Variants in GALNT11 observed in about 807,000 individuals in gnomAD.
GALNT11 encodes the protein polypeptide N-acetylgalactosaminyltransferase 11, also known as UDP-GalNAc:polypeptide N-acetylgalactosaminyltransferase 11.
Under a neutral mutation model 72.7 loss-of-function variants are expected in GALNT11, and 47 were observed. That is an observed-to-expected ratio of 0.65 (90% confidence interval 0.51 to 0.82). The LOEUF (loss-of-function observed/expected upper bound fraction) is 0.82. Ranked by LOEUF, GALNT11 falls within the 40% of genes least tolerant of loss-of-function variation. The pLI is 0.00. For synonymous variants in GALNT11, 270 were observed against 286.6 expected, an observed-to-expected ratio of 0.94 and a Z score of 0.58; for missense variants, 677 against 778.4, an observed-to-expected ratio of 0.87 and a Z score of 1.55.
chr7:152,103,015 A>G, intron 3 of GALNT11, 97 bp from the exon 4 acceptor site: 1 of 1,063,544 alleles, frequency 9.4e-7, no homozygotes. Context: ...GTGGGGGAAG[A>G]GGGTGAACAA....
At chr7:152,091,589 G>A (rs2086044369) in intron 1 of GALNT11, among the ~76,000 whole-genome samples, 1 of 152,100 alleles carries the variant, frequency 6.6e-6, no homozygotes. Flanking sequence ...TGTTGCCCAG[G>A]CTGGTCTCCA....
At chr7:152,047,543 A>T (rs1409556987) in intron 1 of GALNT11, among the ~76,000 whole-genome samples, 1 of 152,050 alleles carries the variant, frequency 6.6e-6, no homozygotes, top group Non-Finnish European at 1.5e-5. Context: ...AAAAAAATAC[A>T]AAAATTAACC....
chr7:152,084,404 AC>A (rs1449172175), intron 1 of GALNT11, among the ~76,000 whole-genome samples: 4 of 148,478 alleles, frequency 2.7e-5, no homozygotes, highest in African/African-American at 1.0e-4. Context: ...AAAAAAAAAA[AC>A]TTTTACATTT....
chr7:152,112,402 G>C (rs71541739), intron 7 of GALNT11, among the ~76,000 whole-genome samples: 3 of 152,020 alleles, frequency 2.0e-5, no homozygotes, highest in African/African-American at 7.2e-5. Context: ...TTAGCTGGGC[G>C]TGGTGGCGGG....
rs2089362423 is a variant in GALNT11 at position 152,120,850 on chromosome 7, A to G, written c.1577A>G (p.Glu526Gly). 3.7e-6 allele frequency: 6 copies of G among 1,608,346 alleles called. No homozygotes were observed. Among genetic ancestry groups the G allele is most frequent in the Non-Finnish European group, 5.1e-6 (6 of 1,175,186 alleles). The change falls in exon 11 of 12, where the codon GAG becomes GGG. Residue 526 changes from glutamate (E) to glycine (G), a missense_variant. Transcript: ENST00000430044. Reference sequence around the variant, plus strand: ...CTCTAGATCTGGATCTATAATGAAGAGCATGAATTGGTTTTAAATAGTCTC... The same window carrying G: ...CTCTAGATCTGGATCTATAATGAAGGGCATGAATTGGTTTTAAATAGTCTC... ...DPNQIWIYNE[E>G]HELVLNSLLC... is the part of the protein sequence containing the mutation.
In GALNT11 at chr7:152,094,490, A is replaced by T; in HGVS notation, c.263A>T (p.Glu88Val). Residue 88 changes from glutamate (E) to valine (V), a missense_variant, in exon 2 of 12, where the codon GAA becomes GTA. Coordinates refer to ENST00000430044, the MANE Select transcript of GALNT11 (RefSeq NM_022087.4). This position sits in a 1 kb window ranked among gnomAD's most constrained non-coding sequence, Gnocchi z 4.3. ...DVIDSRVEDP[E>V]EGHLKFSSEL... ...ATAGACAGTCGTGTTGAAGATCCAG[A>T]AGAAGGCCACTTGAAATTCTCTTCT... 1.2e-6 allele frequency: 2 copies of T among 1,612,170 alleles called. No homozygotes were observed. The highest frequency in any genetic ancestry group is 1.7e-6 in the Non-Finnish European group (2 of 1,178,762).
intron 1 of GALNT11, among the ~76,000 whole-genome samples, chr7:152,080,663 T>C (rs1211464029): frequency 2.0e-5 from 3 of 150,998 alleles, no homozygotes; most frequent in Non-Finnish European, 4.4e-5. Flanking sequence ...GCAAAAGCTA[T>C]TAAAACATTA....
At chr7:152,107,942 T>A in intron 5 of GALNT11, 96 bp from the exon 6 acceptor site, 1 of 1,439,972 alleles carries the variant, frequency 6.9e-7, no homozygotes, top group Admixed American at 1.9e-5. Flanking sequence ...GCAGTCGTGT[T>A]TCATGCTGTG....
chr7:152,118,708 G>A lies in GALNT11; in HGVS notation c.1483G>A (p.Val495Met), dbSNP rs150472136. ...TCACCTCCAGACCAACAAATGCCTGGTGGCCCAGGGCCGCCCAAGTCAGAA... is the reference window on the plus strand; with the variant it reads ...TCACCTCCAGACCAACAAATGCCTGATGGCCCAGGGCCGCCCAAGTCAGAA... ...LYHLQTNKCL[V>M]AQGRPSQKGG... is the part of the protein sequence containing the mutation. Residue 495 changes from valine (V) to methionine (M), a missense_variant, in exon 10 of 12, where the codon GTG (valine) becomes ATG (methionine). Val to Met is a conservative substitution (Grantham distance 21). Transcript: ENST00000430044. The A allele has an allele frequency of 6.2e-7, 1 of 1,610,002 alleles. No homozygotes were observed. Among genetic ancestry groups the A allele is most frequent in the East Asian group, 2.2e-5 (1 of 44,548 alleles).
chr7:152,032,365 C>T (rs887278921), intron 1 of GALNT11, among the ~76,000 whole-genome samples: 1 of 151,950 alleles, frequency 6.6e-6, no homozygotes, highest in Non-Finnish European at 1.5e-5. Context: ...AGAAGGCATC[C>T]TTGAGGTCCA....
At chr7:152,074,420 T>C (rs143519728) in intron 1 of GALNT11, 1 of 152,346 alleles carries the variant, frequency 6.6e-6, no homozygotes, top group East Asian at 1.9e-4. Context: ...ATTCTTGGCA[T>C]CTTTGTCAAT....
intron 11 of GALNT11, 101 bp from the exon 12 acceptor site, chr7:152,121,445 T>C (rs1470521090): frequency 7.1e-7 from 1 of 1,414,936 alleles, no homozygotes; most frequent in African/African-American, 1.4e-5. Context: ...AGGGGACTAT[T>C]GTATCCCTTA....
intron 5 of GALNT11, among the ~76,000 whole-genome samples, chr7:152,106,397 G>T (rs756281405): frequency 6.6e-6 from 1 of 152,056 alleles, no homozygotes. Flanking sequence ...TTCACTTTTA[G>T]TATCTGTCTT....
At chr7:152,048,497 A>G (rs1271462949) in intron 1 of GALNT11, among the ~76,000 whole-genome samples, 2 of 151,412 alleles carry the variant, frequency 1.3e-5, no homozygotes, top group East Asian at 1.9e-4. Flanking sequence ...CTGTCTGTCT[A>G]CGTCCTCTTT....
intron 8 of GALNT11, among the ~76,000 whole-genome samples, chr7:152,115,949 A>G (rs2088802668): frequency 6.6e-6 from 1 of 152,052 alleles, no homozygotes; most frequent in Admixed American, 6.6e-5. Flanking sequence ...CCAGCTACTC[A>G]GGAGGCTGAG....
In GALNT11 at chr7:152,094,146, T is replaced by A. The variant is rs1452632104; in HGVS notation, c.-38-44T>A. ...GTGATTCTGTATTTGGTGGATGGTTTAAAGTATACTGAAGTGTCTAACATA... is the reference window on the plus strand; with the variant it reads ...GTGATTCTGTATTTGGTGGATGGTTAAAAGTATACTGAAGTGTCTAACATA... On this transcript the variant is annotated intron_variant, in intron 1 of 11. Coordinates refer to ENST00000430044, the MANE Select transcript of GALNT11 (RefSeq NM_022087.4). This position sits in a 1 kb window ranked among gnomAD's most constrained non-coding sequence, Gnocchi z 4.3. 9 of 1,462,012 alleles carry A rather than the reference T, an allele frequency of 6.2e-6. No individual in the cohort carries two copies. The East Asian group carries it at 1.8e-4, about 30-fold the overall frequency. The allele number at this position is 1,462,012 out of a possible 1,614,324, so 90.6% of individuals were successfully genotyped here.
At chr7:152,073,601 C>T (rs1185033637) in intron 1 of GALNT11, among the ~76,000 whole-genome samples, 2 of 152,156 alleles carry the variant, frequency 1.3e-5, no homozygotes, top group African/African-American at 2.4e-5. Context: ...CTGCAGTTAA[C>T]ATGGGGATGT....
intron 8 of GALNT11, among the ~76,000 whole-genome samples, chr7:152,114,919 A>G (rs542199885): frequency 6.6e-5 from 10 of 152,288 alleles, no homozygotes; most frequent in Admixed American, 5.2e-4. Context: ...ATAAAAGATG[A>G]ATAAGGAAGT....
At chr7:152,030,934 C>T (rs530870757) in intron 1 of GALNT11, among the ~76,000 whole-genome samples, 3 of 152,374 alleles carry the variant, frequency 2.0e-5, no homozygotes, top group South Asian at 2.1e-4. Context: ...AAGACTGCCA[C>T]CTCCTTGGGT....
Sources: allele counts gnomAD v4.1 joint callset (sites outside exome capture counted in the v4.1 genomes callset), GRCh38; gene constraint gnomAD v4.1.1; non-coding constraint Gnocchi (gnomAD v3.1); transcripts MANE v1.5; gene names NCBI Gene and HGNC (gene_info 2026-07-23, HGNC 2026-07-21).